Variants in AR observed in about 807,000 individuals in gnomAD.
AR encodes the protein androgen receptor.
A neutral mutation model predicts 53.9 loss-of-function variants in AR; 8 were observed. The ratio of observed to expected loss-of-function variants is 0.15; its 90% CI spans 0.09 to 0.27. The LOEUF (loss-of-function observed/expected upper bound fraction) is 0.27. AR is among the 10% of genes least tolerant of loss of function. The probability of loss-of-function intolerance (pLI) is 1.00; values close to 1 mark genes in which losing one functional copy is unlikely to be tolerated. For synonymous variants in AR, 359 were observed against 316.4 expected, an observed-to-expected ratio of 1.13 and a Z score of -1.43; for missense variants, 639 against 742.5, an observed-to-expected ratio of 0.86 and a Z score of 1.62.
At chrX:67,644,184 G>T (rs1363378080) in intron 2 of AR, among the ~76,000 whole-genome samples, 1 of 111,843 alleles carries the variant, frequency 8.9e-6, no homozygotes, top group Non-Finnish European at 1.9e-5. Flanking sequence ...CCATTTTCAG[G>T]CCTCTTATAT....
chrX:67,712,695 T>C (rs1438234299), intron 4 of AR, among the ~76,000 whole-genome samples: 1 of 112,103 alleles, frequency 8.9e-6, no homozygotes, highest in Non-Finnish European at 1.9e-5. Context: ...ATCTTAGGGC[T>C]CCAAGGAACA....
intron 1 of AR, among the ~76,000 whole-genome samples, chrX:67,636,895 A>C (rs1674872678): frequency 9.0e-6 from 1 of 111,560 alleles, no homozygotes; most frequent in Non-Finnish European, 1.9e-5. Context: ...CAGATTCTGA[A>C]TCCCCTTCAC....
chrX:67,698,526 GAGTTTA>G (rs1462196213), intron 3 of AR, among the ~76,000 whole-genome samples: 1 of 112,670 alleles, frequency 8.9e-6, no homozygotes, highest in African/African-American at 3.2e-5. Context: ...GAAGGTATTT[GAGTTTA>G]TGACTTTTAG....
chrX:67,721,090 A>T (rs1041345321), intron 5 of AR, among the ~76,000 whole-genome samples: 1 of 111,664 alleles, frequency 9.0e-6, no homozygotes, highest in African/African-American at 3.3e-5. Flanking sequence ...TTCAGAAGTG[A>T]CTATAATAAA....
intron 2 of AR, among the ~76,000 whole-genome samples, chrX:67,657,727 T>C (rs1926657874): frequency 8.9e-6 from 1 of 112,115 alleles, no homozygotes; most frequent in Non-Finnish European, 1.9e-5. Flanking sequence ...TACTTAAAAC[T>C]TGTCTTCATT....
intron 1 of AR, among the ~76,000 whole-genome samples, chrX:67,576,606 T>C (rs1381095859): frequency 9.0e-6 from 1 of 111,349 alleles, no homozygotes; most frequent in African/African-American, 3.3e-5. Flanking sequence ...AATACACTTA[T>C]CCACGTTTGG....
intron 1 of AR, among the ~76,000 whole-genome samples, chrX:67,567,087 T>A (rs1383692355): frequency 1.8e-5 from 2 of 110,967 alleles, no homozygotes; most frequent in Non-Finnish European, 3.8e-5. Context: ...TTCAGCTTTA[T>A]TTTTCATAGA....
chrX:67,581,529 C>A (rs1245467044), intron 1 of AR, among the ~76,000 whole-genome samples: 1 of 111,421 alleles, frequency 9.0e-6, no homozygotes, highest in African/African-American at 3.3e-5. Context: ...CTCATCTTTG[C>A]CCTCTATAGG....
At chrX:67,695,190 G>A (rs1415880649) in intron 3 of AR, 25 of 753,876 alleles carry the variant, frequency 3.3e-5, no homozygotes, top group Non-Finnish European at 3.6e-5. Flanking sequence ...GTCTGTCTGA[G>A]GTTCCTGTGG....
rs775906908 is a variant in AR, at chrX:67,643,439, C to A, written c.1768+32C>A. The A allele has an allele frequency of 2.4e-5, 28 of 1,186,086 alleles. No individual in the cohort carries two copies. In the East Asian group the frequency reaches 6.4e-4, roughly 27 times the overall value. On this transcript the variant is annotated intron_variant, in intron 2 of 7. Transcript: ENST00000374690. The stretch of plus-strand genomic sequence containing the variant: ...GGTCTTGCACATGCACTTCTCTTTC[C>A]CTTTCTCCTTTACCTTCCAGAGAGA...
At chrX:67,609,366 G>A (rs1389939260) in intron 1 of AR, among the ~76,000 whole-genome samples, 1 of 111,200 alleles carries the variant, frequency 9.0e-6, no homozygotes. Flanking sequence ...ACTTCTAGCA[G>A]CATATGATTG....
chrX:67,643,458 A>G (rs1267637052), intron 2 of AR, 51 bp downstream of exon 2: 1 of 1,158,412 alleles, frequency 8.6e-7, no homozygotes, highest in South Asian at 1.9e-5. Flanking sequence ...TTTACCTTCC[A>G]GAGAGAGACA....
At chrX:67,606,806 A>G (rs1254593231) in intron 1 of AR, among the ~76,000 whole-genome samples, 1 of 112,076 alleles carries the variant, frequency 8.9e-6, no homozygotes, top group Admixed American at 9.4e-5. Flanking sequence ...AGTAAAATAC[A>G]GAGAAGTGAA....
chrX:67,652,220 C>T (rs1412061361), intron 2 of AR, among the ~76,000 whole-genome samples: 1 of 111,512 alleles, frequency 9.0e-6, no homozygotes, highest in African/African-American at 3.3e-5. Flanking sequence ...TCTGTTTTTC[C>T]TTCCTCTCCT....
At chrX:67,570,035 T>C (rs1459218665) in intron 1 of AR, among the ~76,000 whole-genome samples, 2 of 112,165 alleles carry the variant, frequency 1.8e-5, no homozygotes, top group African/African-American at 6.5e-5. Context: ...TAGAATTGGC[T>C]TCTTATCTTT....
Position 67,720,804 on chromosome X carries a change from T to A in AR, c.2319-1029T>A, listed in dbSNP as rs763033399. Among the ~76,000 whole-genome samples the A allele has an allele frequency of 9.3e-5, 10 of 107,668 alleles. No individual in the cohort carries two copies. In the South Asian group the frequency reaches 3.3e-3, roughly 35 times the overall value. 93.5% of individuals were successfully genotyped at this position (107,668 alleles called of 115,157 possible). On this transcript the variant is annotated intron_variant, in intron 5 of 7. Transcript: ENST00000374690. ...TAGCCTTTAGGCTCCATCTGGGAGG[T>A]CTTTGTCCTCACCACTTAAGTGGGT...
At position 67,635,054 on chromosome X, in the gene AR, C is replaced by T. The variant is rs181652954; in HGVS notation, c.1617-8202C>T. On this transcript the variant is annotated intron_variant, in intron 1 of 7. Transcript: ENST00000374690. ...ACCCCTATGCCCTACACCCCCGCAACCCCCACATGTATTTACCTTTCTCTA... is the reference window on the plus strand; with the variant it reads ...ACCCCTATGCCCTACACCCCCGCAATCCCCACATGTATTTACCTTTCTCTA... Among the ~76,000 whole-genome samples the T allele has an allele frequency of 8.0e-3, 841 of 105,440 alleles. 1 individual carries two copies. Among genetic ancestry groups the T allele is most frequent in the Non-Finnish European group, 0.011 (570 of 51,746 alleles). 91.6% of individuals were successfully genotyped at this position (105,440 alleles called of 115,157 possible). A position where few individuals can be genotyped will look rare whatever the true frequency, so the allele number is the denominator to read the frequency against.
intron 3 of AR, 102 bp from the exon 4 acceptor site, chrX:67,711,300 A>G (rs1251491687): frequency 2.3e-6 from 2 of 886,518 alleles, no homozygotes; most frequent in Non-Finnish European, 1.6e-6. Context: ...GACCAGGGAG[A>G]ATGGTGATTT....
intron 1 of AR, among the ~76,000 whole-genome samples, chrX:67,626,236 A>G (rs948302269): frequency 1.8e-5 from 2 of 110,116 alleles, no homozygotes; most frequent in Non-Finnish European, 3.8e-5. Flanking sequence ...ACTTCGTAGC[A>G]TCTGGTAACC....
Sources: allele counts gnomAD v4.1 joint callset (sites outside exome capture counted in the v4.1 genomes callset), GRCh38; gene constraint gnomAD v4.1.1; transcripts MANE v1.5; gene names NCBI Gene and HGNC (gene_info 2026-07-23, HGNC 2026-07-21).